Variants in LEKR1 observed in about 807,000 individuals in gnomAD.
LEKR1 encodes the protein protein LEKR1.
Under a neutral mutation model 72.4 loss-of-function variants are expected in LEKR1, and 59 were observed. That is an observed-to-expected ratio of 0.82 (90% CI 0.66 to 1.01). LEKR1 has a LOEUF of 1.01. LEKR1 is among the 50% of genes least tolerant of loss of function. The pLI, the probability that LEKR1 is intolerant of heterozygous loss-of-function variation, is 0.00. For synonymous variants in LEKR1, 257 were observed against 263.2 expected (o/e 0.98, Z 0.23); for missense variants, 728 against 759.2 (o/e 0.96, Z 0.48).
At chr3:156,906,124 C>T (rs903333965) in intron 3 of LEKR1, among the ~76,000 whole-genome samples, 2 of 152,014 alleles carry the variant, frequency 1.3e-5, no homozygotes, top group East Asian at 1.9e-4. Flanking sequence ...ATGATGTGGC[C>T]GCTTTCTTGT....
intron 9 of LEKR1, among the ~76,000 whole-genome samples, chr3:157,010,700 G>A (rs1039417738): frequency 5.9e-5 from 9 of 152,042 alleles, no homozygotes; most frequent in Admixed American, 5.9e-4. Context: ...TGCTGCTACT[G>A]TTGATTTTTT....
chr3:157,007,212 T>TA (rs150956086), intron 9 of LEKR1, among the ~76,000 whole-genome samples: 6,171 of 151,694 alleles, frequency 0.041, 148 homozygotes, highest in Admixed American at 0.058. Context: ...AAAATAATAA[T>TA]AATAAATAAA....
At chr3:156,871,151 T>G (rs920580034) in intron 3 of LEKR1, among the ~76,000 whole-genome samples, 1 of 151,692 alleles carries the variant, frequency 6.6e-6, no homozygotes, top group Non-Finnish European at 1.5e-5. Context: ...GTTCCCCTTC[T>G]TGTGTCCATG....
At chr3:156,938,512 G>A (rs1214195870) in intron 5 of LEKR1, among the ~76,000 whole-genome samples, 1 of 152,054 alleles carries the variant, frequency 6.6e-6, no homozygotes, top group African/African-American at 2.4e-5. Context: ...AAGTAGCTGG[G>A]ACTACAGGCG....
At chr3:156,991,129 A>C (rs1186087490) in intron 7 of LEKR1, among the ~76,000 whole-genome samples, 2 of 152,198 alleles carry the variant, frequency 1.3e-5, no homozygotes, top group Non-Finnish European at 2.9e-5. Flanking sequence ...GATAAAACTT[A>C]GGTAATAAAG....
chr3:156,883,886 C>G (rs1298879779), intron 3 of LEKR1, among the ~76,000 whole-genome samples: 1 of 152,150 alleles, frequency 6.6e-6, no homozygotes, highest in Non-Finnish European at 1.5e-5. Flanking sequence ...TACTGAAGTC[C>G]TCAACTATTA....
intron 6 of LEKR1, among the ~76,000 whole-genome samples, chr3:156,951,602 C>A (rs1457173471): frequency 1.3e-5 from 2 of 151,436 alleles, no homozygotes; most frequent in African/African-American, 4.8e-5. Context: ...GTGTATGTGT[C>A]CAGGTATGTA....
chr3:156,912,285 C>T (rs778406784), intron 3 of LEKR1, among the ~76,000 whole-genome samples: 5 of 151,988 alleles, frequency 3.3e-5, no homozygotes, highest in Non-Finnish European at 5.9e-5. Flanking sequence ...TATCCTGTGC[C>T]CCTCTCCCAG....
intron 6 of LEKR1, among the ~76,000 whole-genome samples, chr3:156,976,126 TA>T (rs1160432422): frequency 1.3e-5 from 2 of 152,134 alleles, no homozygotes; most frequent in African/African-American, 4.8e-5. Context: ...AGGACCAGAC[TA>T]GTCTACCAGA....
chr3:156,894,330 AAAAAAT>A (rs1350260825), intron 3 of LEKR1, among the ~76,000 whole-genome samples: 1 of 152,204 alleles, frequency 6.6e-6, no homozygotes, highest in Non-Finnish European at 1.5e-5. Flanking sequence ...AATTAATACT[AAAAAAT>A]AAAGCATTGC....
At chr3:156,917,102 T>TA (rs1723731103) in intron 3 of LEKR1, among the ~76,000 whole-genome samples, 1 of 151,966 alleles carries the variant, frequency 6.6e-6, no homozygotes, top group Non-Finnish European at 1.5e-5. Flanking sequence ...AAGGGGCAAT[T>TA]AAAAAAGGCC....
intron 5 of LEKR1, among the ~76,000 whole-genome samples, chr3:156,933,402 T>C (rs760480354): frequency 6.6e-6 from 1 of 152,146 alleles, no homozygotes; most frequent in Non-Finnish European, 1.5e-5. Context: ...AAGTGGTTGT[T>C]CCTTTCACAT....
At chr3:156,958,596 C>CTTCTAACCACATCTA (rs1727854995) in intron 6 of LEKR1, among the ~76,000 whole-genome samples, 1 of 152,088 alleles carries the variant, frequency 6.6e-6, no homozygotes, top group South Asian at 2.1e-4. Context: ...TATTCACTAG[C>CTTCTAACCACATCTA]TTCTAACCAC....
intron 2 of LEKR1, among the ~76,000 whole-genome samples, chr3:156,836,859 A>G (rs990513251): frequency 3.3e-5 from 5 of 152,200 alleles, no homozygotes; most frequent in African/African-American, 1.2e-4. Context: ...AAAGCCAGCA[A>G]TTGAGCCCAG....
intron 9 of LEKR1, among the ~76,000 whole-genome samples, chr3:156,994,509 T>A (rs945406779): frequency 3.9e-5 from 6 of 152,106 alleles, no homozygotes; most frequent in Non-Finnish European, 7.4e-5. Flanking sequence ...ACACCGAAAA[T>A]GTACCCTCTA....
Position 156,942,622 on chromosome 3 carries a change from C to A in LEKR1, c.653C>A (p.Ala218Glu). 1 of 1,264,886 alleles carries A rather than the reference C, an allele frequency of 7.9e-7. No individual in the cohort carries two copies. The highest frequency in any genetic ancestry group is 1.0e-6 in the Non-Finnish European group (1 of 974,206). 78.4% of individuals were successfully genotyped at this position (1,264,886 alleles called of 1,614,324 possible). A position where few individuals can be genotyped will look rare whatever the true frequency, so the allele number is the denominator to read the frequency against. Residue 218 changes from alanine to glutamate, a missense_variant, in exon 6 of 13, where the codon GCA becomes GAA. Coordinates refer to ENST00000356539, the MANE Select transcript of LEKR1 (RefSeq NM_001004316.3). The stretch of plus-strand genomic sequence containing the variant: ...AAAAATCTGAAATTGTTGTCAGATG[C>A]AGCCATATTGAGATCTCAGCAGATT... ...EMKNLKLLSD[A>E]AILRSQQIRT...
intron 6 of LEKR1, among the ~76,000 whole-genome samples, chr3:156,964,328 G>C (rs116281246): frequency 0.01 from 1,558 of 151,910 alleles, 35 homozygotes; most frequent in African/African-American, 0.036. Context: ...ATAGTATTCT[G>C]TTGTTTGGAT....
chr3:156,958,439 T>C (rs1727840500), intron 6 of LEKR1, among the ~76,000 whole-genome samples: 1 of 152,156 alleles, frequency 6.6e-6, no homozygotes, highest in Admixed American at 6.6e-5. Context: ...AAAGTAATTA[T>C]AACTTTCTTC....
intron 9 of LEKR1, among the ~76,000 whole-genome samples, chr3:157,001,192 G>A (rs1485005707): frequency 2.0e-5 from 3 of 152,178 alleles, no homozygotes; most frequent in African/African-American, 7.2e-5. Flanking sequence ...AAAGCATTAT[G>A]AAATGTTCTA....
Sources: allele counts gnomAD v4.1 joint callset (sites outside exome capture counted in the v4.1 genomes callset), GRCh38; gene constraint gnomAD v4.1.1; transcripts MANE v1.5; gene names NCBI Gene and HGNC (gene_info 2026-07-23, HGNC 2026-07-21).